The following GRM8 variants were observed in gnomAD, a reference collection of about 807,000 sequenced individuals.
GRM8 encodes metabotropic glutamate receptor 8.
Under a neutral mutation model 87.2 loss-of-function variants are expected in GRM8, and 47 were observed. That is an observed-to-expected ratio of 0.54 (90% confidence interval 0.43 to 0.69). GRM8 has a LOEUF of 0.69. GRM8 is among the 30% of genes least tolerant of loss of function. The pLI, the probability that GRM8 is intolerant of heterozygous loss-of-function variation, is 0.00. For missense variants in GRM8, 1,019 were observed against 1,139.2 expected (o/e 0.89, Z 1.52); for synonymous variants, 396 against 404.5 (o/e 0.98, Z 0.25).
intron 2 of GRM8, among the ~76,000 whole-genome samples, chr7:127,216,162 C>A (rs1369120945): frequency 6.6e-6 from 1 of 152,110 alleles, no homozygotes; most frequent in Non-Finnish European, 1.5e-5. Context: ...GCTAGAATGC[C>A]TAAAAATTTT....
At chr7:126,892,503 ATATGTGC>A (rs1354356643) in intron 6 of GRM8, among the ~76,000 whole-genome samples, 1 of 151,986 alleles carries the variant, frequency 6.6e-6, no homozygotes, top group Non-Finnish European at 1.5e-5. Flanking sequence ...TCCATGGTGT[ATATGTGC>A]CACATTTTCT....
chr7:127,158,482 G>A (rs572804987), intron 2 of GRM8, among the ~76,000 whole-genome samples: 143 of 152,282 alleles, frequency 9.4e-4, no homozygotes, highest in Admixed American at 4.6e-3. Flanking sequence ...CTTAGTCTGG[G>A]TAATTTATAA....
chr7:126,544,635 C>G (rs6967944), intron 8 of GRM8, among the ~76,000 whole-genome samples: 1 of 151,940 alleles, frequency 6.6e-6, no homozygotes, highest in Non-Finnish European at 1.5e-5. Context: ...CTCAGCCTCC[C>G]GAGTAGCTGG....
chr7:126,518,399 G>C (rs1040071539), intron 9 of GRM8, among the ~76,000 whole-genome samples: 6 of 152,162 alleles, frequency 3.9e-5, no homozygotes, highest in African/African-American at 1.4e-4. Flanking sequence ...GATATACTGA[G>C]AGGTATCTGC....
intron 3 of GRM8, among the ~76,000 whole-genome samples, chr7:126,984,555 C>A (rs1010083592): frequency 2.6e-5 from 4 of 152,250 alleles, no homozygotes; most frequent in Admixed American, 2.0e-4. Context: ...ACTCCAAATT[C>A]TTCAGCTTTG....
intron 9 of GRM8, among the ~76,000 whole-genome samples, chr7:126,498,387 T>C (rs575244876): frequency 6.6e-6 from 1 of 152,076 alleles, no homozygotes; most frequent in African/African-American, 2.4e-5. Flanking sequence ...CTCAGGACCA[T>C]AAAAGCAAGG....
intron 6 of GRM8, among the ~76,000 whole-genome samples, chr7:126,796,984 C>T (rs1403364322): frequency 6.6e-6 from 1 of 152,082 alleles, no homozygotes; most frequent in Non-Finnish European, 1.5e-5. Flanking sequence ...ATTCAAATTT[C>T]AGGATCAGAA....
At chr7:126,745,301 T>C (rs1365467465) in intron 7 of GRM8, among the ~76,000 whole-genome samples, 1 of 151,632 alleles carries the variant, frequency 6.6e-6, no homozygotes, top group Non-Finnish European at 1.5e-5. Context: ...CAGTCCTTGC[T>C]ATACGCCAGA....
At chr7:127,171,141 A>T (rs1793776920) in intron 2 of GRM8, among the ~76,000 whole-genome samples, 1 of 152,188 alleles carries the variant, frequency 6.6e-6, no homozygotes, top group South Asian at 2.1e-4. Flanking sequence ...TGATGCAAAT[A>T]GCAAGAGAAC....
In GRM8 at chr7:126,968,748, A is replaced by G. The variant is rs1390972900; in HGVS notation, c.728-64065T>C. ...ATAAACTCTCTAAAGAAATTATTTGATTCATACTAATTTGCATTGGTCTTA... is the reference window on the plus strand; with the variant it reads ...ATAAACTCTCTAAAGAAATTATTTGGTTCATACTAATTTGCATTGGTCTTA... On this transcript the variant is annotated intron_variant, in intron 3 of 10. Coordinates refer to ENST00000339582, the MANE Select transcript of GRM8 (RefSeq NM_000845.3). Among the ~76,000 whole-genome samples the G allele has an allele frequency of 2.0e-5, 3 of 152,296 alleles. No homozygotes were observed. In the East Asian group the frequency reaches 5.8e-4, roughly 29 times the overall value.
chr7:126,762,804 T>C (rs1228000818), intron 7 of GRM8, among the ~76,000 whole-genome samples: 3 of 151,856 alleles, frequency 2.0e-5, no homozygotes, highest in African/African-American at 7.2e-5. Context: ...TTAGAATACC[T>C]TTCTAGAAAT....
At chr7:126,598,813 T>C (rs1417634930) in intron 8 of GRM8, among the ~76,000 whole-genome samples, 1 of 152,100 alleles carries the variant, frequency 6.6e-6, no homozygotes, top group African/African-American at 2.4e-5. Context: ...AGCTCAAAAA[T>C]ATCTTAAAAT....
intron 9 of GRM8, among the ~76,000 whole-genome samples, chr7:126,477,835 G>A (rs532449809): frequency 1.3e-5 from 2 of 152,250 alleles, no homozygotes; most frequent in African/African-American, 4.8e-5. Flanking sequence ...CACAAACTGG[G>A]TGGATAGAAG....
chr7:126,708,034 T>C (rs1391331615), intron 7 of GRM8, among the ~76,000 whole-genome samples: 1 of 151,948 alleles, frequency 6.6e-6, no homozygotes, highest in African/African-American at 2.4e-5. Context: ...TACAACTAAA[T>C]AGTAAGAAAA....
At position 126,844,694 on chromosome 7, in the gene GRM8, G is replaced by T. The variant is rs575910523; in HGVS notation, c.1156+57848C>A. Among the ~76,000 whole-genome samples, 7 of 152,236 alleles carry T rather than the reference G, an allele frequency of 4.6e-5. No individual in the cohort carries two copies. In the South Asian group the frequency reaches 1.5e-3, roughly 32 times the overall value. ...GATGCCACCATGGTCAGGTTCTGGG[G>T]AGAGCTCTCTTTCTGGTTTGCAAAT... On this transcript the variant is annotated intron_variant, in intron 6 of 10. Coordinates refer to ENST00000339582, the MANE Select transcript of GRM8 (RefSeq NM_000845.3).
chr7:126,967,511 C>T (rs183612365), intron 3 of GRM8, among the ~76,000 whole-genome samples: 34 of 150,570 alleles, frequency 2.3e-4, no homozygotes, highest in Admixed American at 1.8e-3. Flanking sequence ...GCCTCACAAG[C>T]TTGGATTATG....
At chr7:126,734,094 T>C (rs1813917836) in intron 7 of GRM8, among the ~76,000 whole-genome samples, 1 of 151,950 alleles carries the variant, frequency 6.6e-6, no homozygotes, top group Admixed American at 6.6e-5. Flanking sequence ...TCAGCAAATA[T>C]CAAATCTCCA....
At chr7:126,529,813 A>G (rs1184564562) in intron 9 of GRM8, among the ~76,000 whole-genome samples, 1 of 151,866 alleles carries the variant, frequency 6.6e-6, no homozygotes, top group South Asian at 2.1e-4. Context: ...TCACATTTTA[A>G]TTTTTTTCTC....
intron 2 of GRM8, among the ~76,000 whole-genome samples, chr7:127,207,700 G>A (rs938153771): frequency 6.6e-5 from 10 of 152,034 alleles, no homozygotes; most frequent in Admixed American, 1.3e-4. Context: ...TCCTGGCCAC[G>A]GTGCGATGGG....
Sources: allele counts gnomAD v4.1 joint callset (sites outside exome capture counted in the v4.1 genomes callset), GRCh38; gene constraint gnomAD v4.1.1; transcripts MANE v1.5; gene names NCBI Gene and HGNC (gene_info 2026-07-23, HGNC 2026-07-21).